FERMT2: variants seen among roughly 807,000 people sequenced by gnomAD.
The protein encoded by FERMT2 is fermitin family homolog 2.
Under a neutral mutation model 82.7 loss-of-function variants are expected in FERMT2, and 15 were observed. That is an observed-to-expected ratio of 0.18 (90% CI 0.12 to 0.28). The LOEUF is 0.28. Ranked by LOEUF, FERMT2 falls within the 10% of genes least tolerant of loss-of-function variation. FERMT2 has a pLI of 1.00. For synonymous variants in FERMT2, 274 were observed against 271.5 expected, an observed-to-expected ratio of 1.01 and a Z score of -0.09; for missense variants, 645 against 809.4, an observed-to-expected ratio of 0.80 and a Z score of 2.46.
intron 9 of FERMT2, among the ~76,000 whole-genome samples, chr14:52,873,418 C>G (rs1566722211): frequency 6.6e-6 from 1 of 152,118 alleles, no homozygotes; most frequent in East Asian, 1.9e-4. Flanking sequence ...ATTAACTTGC[C>G]ACTCCAATAT....
intron 9 of FERMT2, 143 bp downstream of exon 9, chr14:52,874,034 G>T (rs537975192): frequency 4.3e-6 from 2 of 466,288 alleles, no homozygotes; most frequent in South Asian, 1.4e-4. Flanking sequence ...TTCTCTCGTG[G>T]TAATTTGGTG....
chr14:52,888,480 G>C (rs533874905), intron 4 of FERMT2, among the ~76,000 whole-genome samples: 1 of 152,150 alleles, frequency 6.6e-6, no homozygotes, highest in Non-Finnish European at 1.5e-5. Flanking sequence ...GCAAAATTTA[G>C]TAAGTTCTGG....
intron 14 of FERMT2, 200 bp from the exon 15 acceptor site, chr14:52,858,750 TAA>T (rs1367884135): frequency 2.8e-5 from 14 of 495,990 alleles, no homozygotes; most frequent in Non-Finnish European, 3.9e-5. Flanking sequence ...CCCTACACTT[TAA>T]GTTTTCATGT....
At chr14:52,939,034 C>T (rs1028187173) in intron 2 of FERMT2, among the ~76,000 whole-genome samples, 2 of 151,302 alleles carry the variant, frequency 1.3e-5, no homozygotes, top group Non-Finnish European at 2.9e-5. Context: ...AAATCAATTC[C>T]TAATATGGTA....
At chr14:52,902,868 CAAA>C (rs1252336097) in intron 3 of FERMT2, among the ~76,000 whole-genome samples, 43 of 5,538 alleles carry the variant, frequency 7.8e-3, no homozygotes, top group African/African-American at 0.025. Context: ...GACTCCGTCT[CAAA>C]AAAAAAAAAA....
At chr14:52,893,525 T>C (rs1441280697) in intron 3 of FERMT2, 98 bp from the exon 4 acceptor site, 1 of 919,768 alleles carries the variant, frequency 1.1e-6, no homozygotes, top group Non-Finnish European at 1.6e-6. Context: ...TGTAACTTCC[T>C]TCTGTATGTC....
In FERMT2 at chr14:52,893,247, A is replaced by AGTCC. The variant is rs750309792; in HGVS notation, c.526+42_526+45dup. Reference sequence around the variant, plus strand: ...CACCACCAGAAAGACAAAGGTACACAGTCCACAGTTCTTACTTTGAGTCCA... The same window carrying AGTCC: ...CACCACCAGAAAGACAAAGGTACACAGTCCGTCCACAGTTCTTACTTTGAGTCCA... On this transcript the variant is annotated intron_variant, in intron 4 of 14. Coordinates refer to ENST00000341590, the MANE Select transcript of FERMT2 (RefSeq NM_006832.3). 9 of 1,513,572 alleles carry AGTCC rather than the reference A, an allele frequency of 5.9e-6. No homozygotes were observed. In the South Asian group the frequency reaches 1.2e-4, roughly 20 times the overall value. 93.8% of individuals were successfully genotyped at this position (1,513,572 alleles called of 1,614,324 possible). A position where few individuals can be genotyped will look rare whatever the true frequency, so the allele number is the denominator to read the frequency against.
At chr14:52,888,844 G>T (rs1886758780) in intron 4 of FERMT2, among the ~76,000 whole-genome samples, 1 of 152,150 alleles carries the variant, frequency 6.6e-6, no homozygotes, top group South Asian at 2.1e-4. Context: ...ATTTGTTGGA[G>T]AATTTAAATT....
At chr14:52,950,624 GA>G in intron 1 of FERMT2, 47 bp from the exon 2 acceptor site, 1 of 1,581,856 alleles carries the variant, frequency 6.3e-7, no homozygotes. Context: ...CTCCCCCAAA[GA>G]AAGGCGAATC....
intron 2 of FERMT2, among the ~76,000 whole-genome samples, chr14:52,922,607 T>C (rs1483112924): frequency 6.6e-6 from 1 of 152,144 alleles, no homozygotes. Flanking sequence ...ACTAACGTGA[T>C]AAGGAGCTTT....
At chr14:52,868,639 T>C (rs1435828477) in intron 10 of FERMT2, among the ~76,000 whole-genome samples, 4 of 152,102 alleles carry the variant, frequency 2.6e-5, no homozygotes, top group African/African-American at 9.7e-5. Flanking sequence ...AGTCTAACAC[T>C]CTCATTTCTC....
At chr14:52,861,814 G>T (rs1884958036) in intron 12 of FERMT2, 2 of 152,228 alleles carry the variant, frequency 1.3e-5, no homozygotes, top group Admixed American at 1.3e-4. Context: ...ATTAAAGTAG[G>T]TTAAATACAA....
chr14:52,925,359 A>G (rs1001097709), intron 2 of FERMT2, among the ~76,000 whole-genome samples: 14 of 152,056 alleles, frequency 9.2e-5, no homozygotes, highest in Admixed American at 9.2e-4. Context: ...GGAGTTTGAG[A>G]CCAGCCTGGC....
intron 2 of FERMT2, among the ~76,000 whole-genome samples, chr14:52,925,849 G>A (rs571543032): frequency 1.3e-5 from 2 of 152,066 alleles, no homozygotes; most frequent in South Asian, 2.1e-4. Context: ...TCACTCTGTT[G>A]GCCAGGCTGG....
At chr14:52,889,614 G>A (rs1043320590) in intron 4 of FERMT2, among the ~76,000 whole-genome samples, 2 of 152,156 alleles carry the variant, frequency 1.3e-5, no homozygotes, top group Admixed American at 6.5e-5. Flanking sequence ...GAAATGTGTC[G>A]TTAAGGGATT....
chr14:52,858,588 T>G lies in FERMT2; in HGVS notation c.1870-38A>C, dbSNP rs762102846. On this transcript the variant is annotated intron_variant, in intron 14 of 14. Transcript: ENST00000341590. ...CAAGAGCCATCAGTGCTGTCCCAAA[T>G]GCTAGGTGGCTGGGTCCACACAAAA... is the stretch of plus-strand genomic sequence containing the variant. 8.7e-6 allele frequency: 14 copies of G among 1,601,102 alleles called. No homozygotes were observed. In the East Asian group the frequency reaches 3.1e-4, roughly 36 times the overall value.
intron 10 of FERMT2, 90 bp downstream of exon 10, chr14:52,872,709 A>T (rs1174511901): frequency 9.7e-6 from 14 of 1,435,978 alleles, no homozygotes; most frequent in Non-Finnish European, 1.2e-5. Flanking sequence ...GATTTTTTTA[A>T]AAAACTTGTT....
intron 3 of FERMT2, among the ~76,000 whole-genome samples, chr14:52,907,993 A>C (rs892369473): frequency 6.6e-6 from 1 of 152,252 alleles, no homozygotes; most frequent in Non-Finnish European, 1.5e-5. Context: ...AAGAATGCTT[A>C]CAACACAATC....
chr14:52,878,837 T>C (rs559751689), intron 6 of FERMT2, 148 bp from the exon 7 acceptor site: 3 of 530,206 alleles, frequency 5.7e-6, no homozygotes, highest in East Asian at 6.4e-5. Flanking sequence ...TACAATCAAG[T>C]ATTATTAGAA....
Sources: gnomAD v4.1 joint callset for allele counts (sites outside exome capture counted in the v4.1 genomes callset) on GRCh38, gnomAD v4.1.1 for gene constraint, MANE v1.5 for transcripts, NCBI Gene and HGNC (gene_info 2026-07-23, HGNC 2026-07-21) for gene names.